KAT2B: variants seen among roughly 807,000 people sequenced by gnomAD.
The protein encoded by KAT2B is lysine acetyltransferase 2B, also known as histone acetyltransferase KAT2B.
Under a neutral mutation model 105.9 loss-of-function variants are expected in KAT2B, and 36 were observed. The ratio of observed to expected loss-of-function variants is 0.34; its 90% CI spans 0.26 to 0.45. The LOEUF (loss-of-function observed/expected upper bound fraction) is 0.45. Ranked by LOEUF, KAT2B falls within the 20% of genes least tolerant of loss-of-function variation. The pLI is 1.00. For missense variants in KAT2B, 820 were observed against 1,021.6 expected (o/e 0.80, Z 2.69); for synonymous variants, 397 against 377.9 (o/e 1.05, Z -0.59).
chr3:20,062,236 A>G (rs1342669315), intron 1 of KAT2B, among the ~76,000 whole-genome samples: 24 of 48,902 alleles, frequency 4.9e-4, no homozygotes, highest in African/African-American at 1.3e-3. Context: ...AAATATATAT[A>G]AAATATATAA....
intron 1 of KAT2B, among the ~76,000 whole-genome samples, chr3:20,065,753 A>ATG (rs1698212549): frequency 6.6e-6 from 1 of 152,050 alleles, no homozygotes; most frequent in Non-Finnish European, 1.5e-5. Flanking sequence ...ATTCTCATAT[A>ATG]TATCAATAGG....
chr3:20,068,754 T>C (rs1392349412), intron 1 of KAT2B, among the ~76,000 whole-genome samples: 1 of 152,216 alleles, frequency 6.6e-6, no homozygotes, highest in African/African-American at 2.4e-5. Flanking sequence ...CTTGAAATGC[T>C]GTTCTCCAAA....
chr3:20,086,825 A>AGGCTGGAGTGCAGTGGCGCCGTCTC (rs11268707), intron 2 of KAT2B, among the ~76,000 whole-genome samples: 1 of 148,030 alleles, frequency 6.8e-6, no homozygotes, highest in Non-Finnish European at 1.5e-5. Context: ...GGAGTCTCGC[A>AGGCTGGAGTGCAGTGGCGCCGTCTC]GGCTGGAGTG....
Position 20,069,687 on chromosome 3 carries a change from G to A in KAT2B, c.304-2646G>A, listed in dbSNP as rs1220713665. 2.6e-5 allele frequency among the ~76,000 whole-genome samples: 4 copies of A among 151,660 alleles called. No homozygotes were observed. In the East Asian group the frequency reaches 5.8e-4, roughly 22 times the overall value. On this transcript the variant is annotated intron_variant, in intron 1 of 17. Transcript: ENST00000263754. The stretch of plus-strand genomic sequence containing the variant: ...ATTACAGGTGGCTGCCACCATACCC[G>A]GCTAATTTTTGTATTTTTAGTAGAG...
At chr3:20,123,158 A>C (rs537241449) in intron 9 of KAT2B, among the ~76,000 whole-genome samples, 1 of 152,212 alleles carries the variant, frequency 6.6e-6, no homozygotes, top group East Asian at 1.9e-4. Context: ...CACATTTGCT[A>C]CCTCTCTTTC....
intron 11 of KAT2B, among the ~76,000 whole-genome samples, chr3:20,134,559 C>A (rs1433743856): frequency 6.6e-6 from 1 of 152,170 alleles, no homozygotes; most frequent in Non-Finnish European, 1.5e-5. Context: ...CAGGCACGTG[C>A]CACCACGCCC....
Position 20,136,986 on chromosome 3 carries a change from A to T in KAT2B, c.1794A>T (p.Ile598=). The change falls in exon 12 of 18, where the codon ATA becomes ATT. Residue 598 remains isoleucine, a synonymous_variant. Transcript: ENST00000263754. ...HLMNHLKEYH[I]KHDILNFLTY... The stretch of plus-strand genomic sequence containing the variant: ...TGAATCATTTGAAAGAATATCACAT[A>T]AAGCATGACATCCTGAACTTCCTCA... The T allele has an allele frequency of 6.2e-7, 1 of 1,610,686 alleles. No individual in the cohort carries two copies. Among genetic ancestry groups the T allele is most frequent in the Non-Finnish European group, 8.5e-7 (1 of 1,177,014 alleles).
chr3:20,112,757 G>C (rs1575141046), intron 6 of KAT2B, among the ~76,000 whole-genome samples: 1 of 152,166 alleles, frequency 6.6e-6, no homozygotes, highest in Non-Finnish European at 1.5e-5. Context: ...AATATTCTTT[G>C]ATCAAAGATT....
At chr3:20,122,059 G>A (rs565674627) in intron 8 of KAT2B, among the ~76,000 whole-genome samples, 51 of 152,174 alleles carry the variant, frequency 3.4e-4, no homozygotes, top group African/African-American at 1.2e-3. Context: ...TGACTACAAG[G>A]AGAAATAATC....
intron 13 of KAT2B, among the ~76,000 whole-genome samples, chr3:20,143,468 G>A (rs1040673392): frequency 2.0e-5 from 3 of 152,142 alleles, no homozygotes; most frequent in East Asian, 3.8e-4. Flanking sequence ...GTGGAAAGCC[G>A]TTTGGAGATT....
At chr3:20,133,815 T>C (rs1261196305) in intron 11 of KAT2B, among the ~76,000 whole-genome samples, 2 of 152,228 alleles carry the variant, frequency 1.3e-5, no homozygotes, top group African/African-American at 4.8e-5. Flanking sequence ...GTAAACGTAT[T>C]TGCACGCCGT....
chr3:20,110,160 G>T (rs941507237), intron 5 of KAT2B, among the ~76,000 whole-genome samples: 1 of 152,208 alleles, frequency 6.6e-6, no homozygotes, highest in South Asian at 2.1e-4. Context: ...CATTTGAAAG[G>T]AGAACAGGAA....
chr3:20,104,925 TG>T (rs1382161935), intron 5 of KAT2B, among the ~76,000 whole-genome samples: 1 of 151,372 alleles, frequency 6.6e-6, no homozygotes, highest in Non-Finnish European at 1.5e-5. Flanking sequence ...CTCACTCTGT[TG>T]TCCAGGCTGG....
intron 5 of KAT2B, among the ~76,000 whole-genome samples, chr3:20,102,924 A>G (rs543945034): frequency 1.3e-5 from 2 of 152,218 alleles, no homozygotes; most frequent in African/African-American, 4.8e-5. Flanking sequence ...AGCAGATAAC[A>G]TGGAAGAATT....
intron 1 of KAT2B, among the ~76,000 whole-genome samples, chr3:20,048,428 T>C (rs1559509585): frequency 6.6e-6 from 1 of 152,204 alleles, no homozygotes; most frequent in Non-Finnish European, 1.5e-5. Context: ...TTAAGGTTTT[T>C]GTTTTGTTTT....
At chr3:20,123,068 C>A in intron 9 of KAT2B, 1 of 535,758 alleles carries the variant, frequency 1.9e-6, no homozygotes, top group Non-Finnish European at 2.4e-6. Context: ...TGAAAAATTT[C>A]AAGCCCTCAT....
intron 3 of KAT2B, among the ~76,000 whole-genome samples, chr3:20,099,530 G>A (rs12630578): frequency 0.034 from 5,161 of 152,202 alleles, 237 homozygotes; most frequent in East Asian, 0.21. Flanking sequence ...AGAAACAGTG[G>A]GGAGAAGAGG....
chr3:20,040,899 G>T, intron 1 of KAT2B, 119 bp downstream of exon 1: 1 of 1,260,016 alleles, frequency 7.9e-7, no homozygotes, highest in Non-Finnish European at 1.0e-6. Flanking sequence ...TCCCGCCTGG[G>T]GCCGCTGCAC....
chr3:20,104,689 T>C (rs1698967897), intron 5 of KAT2B, among the ~76,000 whole-genome samples: 1 of 152,184 alleles, frequency 6.6e-6, no homozygotes, highest in South Asian at 2.1e-4. Context: ...ATGTTTGCAG[T>C]ATATCAGTCT....
Sources: gnomAD v4.1 joint callset for allele counts (sites outside exome capture counted in the v4.1 genomes callset) on GRCh38, gnomAD v4.1.1 for gene constraint, MANE v1.5 for transcripts, NCBI Gene and HGNC (gene_info 2026-07-23, HGNC 2026-07-21) for gene names.